CRIM1: variants seen among roughly 807,000 people sequenced by gnomAD.
The protein encoded by CRIM1 is cysteine-rich motor neuron 1 protein.
A neutral mutation model predicts 116.4 loss-of-function variants in CRIM1; 32 were observed. The observed-to-expected ratio is 0.27, with a 90% confidence interval of 0.21 to 0.37. The LOEUF (loss-of-function observed/expected upper bound fraction) is 0.37, where lower values mean the gene tolerates loss of function less well. Among genes scored for constraint, CRIM1 ranks in the 10% least tolerant of loss-of-function variants. The probability of loss-of-function intolerance (pLI) is 1.00; values close to 1 mark genes in which losing one functional copy is unlikely to be tolerated. For synonymous variants in CRIM1, 590 were observed against 509.2 expected, an observed-to-expected ratio of 1.16 and a Z score of -2.13; for missense variants, 1,331 against 1,354.8, an observed-to-expected ratio of 0.98 and a Z score of 0.28.
chr2:36,545,851 T>C (rs1483924663), intron 15 of CRIM1, among the ~76,000 whole-genome samples: 1 of 152,182 alleles, frequency 6.6e-6, no homozygotes, highest in African/African-American at 2.4e-5. Context: ...CTTTTATTCA[T>C]TGTATATTTA....
chr2:36,535,126 AGGG>A (rs1666444717), intron 13 of CRIM1, among the ~76,000 whole-genome samples: 5 of 61,916 alleles, frequency 8.1e-5, no homozygotes, highest in African/African-American at 3.3e-4. Context: ...GGAGGGAGGG[AGGG>A]AGGGAAGGGG....
intron 1 of CRIM1, among the ~76,000 whole-genome samples, chr2:36,381,179 T>A (rs964635604): frequency 2.6e-5 from 4 of 152,132 alleles, no homozygotes; most frequent in African/African-American, 4.8e-5. Context: ...AATGTGGCAC[T>A]CTGACCCCTG....
At chr2:36,375,710 T>C (rs1670269945) in intron 1 of CRIM1, among the ~76,000 whole-genome samples, 1 of 152,226 alleles carries the variant, frequency 6.6e-6, no homozygotes, top group African/African-American at 2.4e-5. Context: ...CCACAGTATG[T>C]GGCTAAGTGA....
At chr2:36,365,450 C>T (rs1322810018) in intron 1 of CRIM1, among the ~76,000 whole-genome samples, 1 of 152,154 alleles carries the variant, frequency 6.6e-6, no homozygotes, top group Non-Finnish European at 1.5e-5. Context: ...CAGCGGCAAG[C>T]CTAGCCGATT....
At chr2:36,506,484 A>G (rs912830150) in intron 8 of CRIM1, among the ~76,000 whole-genome samples, 6 of 152,162 alleles carry the variant, frequency 3.9e-5, no homozygotes, top group Admixed American at 6.5e-5. Context: ...TGTGTTCTCC[A>G]TGGAGGTTAC....
At chr2:36,464,135 G>A (rs1168419744) in intron 4 of CRIM1, among the ~76,000 whole-genome samples, 3 of 152,112 alleles carry the variant, frequency 2.0e-5, no homozygotes, top group Admixed American at 6.5e-5. Flanking sequence ...CATTTAGCAC[G>A]GGAACACTCA....
intron 8 of CRIM1, 60 bp from the exon 9 acceptor site, chr2:36,509,923 A>G: frequency 6.7e-7 from 1 of 1,486,452 alleles, no homozygotes; most frequent in South Asian, 1.3e-5. Flanking sequence ...GTATTTCAGC[A>G]TCGAAGTGTT....
At chr2:36,422,978 A>G (rs909370399) in intron 2 of CRIM1, among the ~76,000 whole-genome samples, 3 of 152,196 alleles carry the variant, frequency 2.0e-5, no homozygotes, top group Admixed American at 6.5e-5. Context: ...TTTCTTTCAA[A>G]TGAGCTTTTA....
At chr2:36,390,632 C>G (rs1004101899) in intron 1 of CRIM1, among the ~76,000 whole-genome samples, 1 of 151,920 alleles carries the variant, frequency 6.6e-6, no homozygotes, top group Non-Finnish European at 1.5e-5. Flanking sequence ...GTGTCTCCAG[C>G]CTTCTCATTT....
At chr2:36,515,864 A>G (rs1269850425) in intron 11 of CRIM1, among the ~76,000 whole-genome samples, 4 of 152,346 alleles carry the variant, frequency 2.6e-5, no homozygotes, top group South Asian at 4.1e-4. Flanking sequence ...GCAATAAGGG[A>G]GGCTTTTGCT....
At chr2:36,376,772 A>G (rs532823536) in intron 1 of CRIM1, among the ~76,000 whole-genome samples, 2 of 152,076 alleles carry the variant, frequency 1.3e-5, no homozygotes, top group Middle Eastern at 3.2e-3. Flanking sequence ...TTCTTTTGGT[A>G]TTTGTATTCA....
chr2:36,466,671 A>G (rs1475501057), intron 5 of CRIM1, among the ~76,000 whole-genome samples: 1 of 152,214 alleles, frequency 6.6e-6, no homozygotes. Flanking sequence ...TTAGCCTATT[A>G]TCTGCCTCAC....
chr2:36,407,509 A>G (rs1487759868), intron 2 of CRIM1, among the ~76,000 whole-genome samples: 2 of 152,150 alleles, frequency 1.3e-5, no homozygotes, highest in Non-Finnish European at 2.9e-5. Flanking sequence ...GATAACTGGT[A>G]CCAGGAAAAT....
intron 9 of CRIM1, 119 bp from the exon 10 acceptor site, chr2:36,512,154 C>G (rs1664730121): frequency 8.1e-7 from 1 of 1,237,842 alleles, no homozygotes; most frequent in African/African-American, 1.5e-5. Flanking sequence ...TCTTTGAGAG[C>G]AAAAGTCAAG....
intron 2 of CRIM1, among the ~76,000 whole-genome samples, chr2:36,420,263 A>T (rs1673945326): frequency 6.6e-6 from 1 of 152,180 alleles, no homozygotes; most frequent in Admixed American, 6.5e-5. Flanking sequence ...TAACATTTAG[A>T]GCATGCTTAT....
rs1238500884 is a variant in CRIM1 at position 36,394,925 on chromosome 2, G to A, written c.332-1689G>A. On this transcript the variant is annotated intron_variant, in intron 1 of 16. Transcript: ENST00000280527. ...TTATTTATTTCAGTCAGGAAGAGCA[G>A]ACTTTTACTTCACTTACGTACTGAG... Among the ~76,000 whole-genome samples the A allele has an allele frequency of 4.0e-5, 6 of 151,146 alleles. No individual in the cohort carries two copies. In the East Asian group the frequency reaches 9.7e-4, roughly 24 times the overall value.
chr2:36,378,402 C>A lies in CRIM1; in HGVS notation c.332-18212C>A, dbSNP rs1670479965. ...GGCTGCTCTCAGCATTACTGCTCAT[C>A]TCAAAGAGGAACAAATGGTCCCCCA... On this transcript the variant is annotated intron_variant, in intron 1 of 16. Coordinates refer to ENST00000280527, the MANE Select transcript of CRIM1 (RefSeq NM_016441.3). The A allele has an allele frequency of 8.5e-6, 4 of 471,052 alleles. 1 individual carries two copies. The highest frequency in any genetic ancestry group is 1.8e-5 in the Non-Finnish European group (4 of 227,064). 29.2% of individuals were successfully genotyped at this position (471,052 alleles called of 1,614,324 possible). A position where few individuals can be genotyped will look rare whatever the true frequency, so the allele number is the denominator to read the frequency against.
At chr2:36,357,706 C>T (rs577413267) in intron 1 of CRIM1, among the ~76,000 whole-genome samples, 123 of 152,298 alleles carry the variant, frequency 8.1e-4, no homozygotes, top group Middle Eastern at 3.4e-3. Flanking sequence ...GTTCCGGGGG[C>T]ATCCTGGCGA....
chr2:36,356,641 G>A lies in CRIM1; in HGVS notation c.331+18G>A, dbSNP rs775367541. On this transcript the variant is annotated intron_variant, in intron 1 of 16. Coordinates refer to ENST00000280527, the MANE Select transcript of CRIM1 (RefSeq NM_016441.3). This position sits in a 1 kb window ranked among gnomAD's most constrained non-coding sequence, Gnocchi z 4.3. Reference sequence around the variant, plus strand: ...TTGCGAAGGTACGGCCGCCCGCTGCGGGCCCCCTCCCACCTGGCCTGCGCC... The same window carrying A: ...TTGCGAAGGTACGGCCGCCCGCTGCAGGCCCCCTCCCACCTGGCCTGCGCC... The A allele has an allele frequency of 1.3e-6, 2 of 1,596,610 alleles. No homozygotes were observed. Among genetic ancestry groups the A allele is most frequent in the Non-Finnish European group, 8.5e-7 (1 of 1,173,494 alleles).
Sources: gnomAD v4.1 joint callset for allele counts (sites outside exome capture counted in the v4.1 genomes callset) on GRCh38, gnomAD v4.1.1 for gene constraint, Gnocchi (gnomAD v3.1) non-coding constraint, MANE v1.5 for transcripts, NCBI Gene and HGNC (gene_info 2026-07-23, HGNC 2026-07-21) for gene names.